CACNA1C: variants seen among roughly 807,000 people sequenced by gnomAD.
CACNA1C encodes the protein calcium voltage-gated channel subunit alpha1 C.
A neutral mutation model predicts 229.0 loss-of-function variants in CACNA1C; 30 were observed. That is an observed-to-expected ratio of 0.13 (90% CI 0.10 to 0.18). The LOEUF (loss-of-function observed/expected upper bound fraction) is 0.18, where lower values mean the gene tolerates loss of function less well. Among genes scored for constraint, CACNA1C ranks in the 10% least tolerant of loss-of-function variants. CACNA1C has a pLI of 1.00. For synonymous variants in CACNA1C, 1,114 were observed against 1,132.5 expected (o/e 0.98, Z 0.33); for missense variants, 1,658 against 2,845.0 (o/e 0.58, Z 9.49).
Position 2,507,905 on chromosome 12 carries a change from C to T in CACNA1C, c.1217+2960C>T, listed in dbSNP as rs1048433222. On this transcript the variant is annotated intron_variant, in intron 8 of 46. Coordinates refer to ENST00000399655, the MANE Select transcript of CACNA1C (RefSeq NM_000719.7). ...TCATCCCATGCTTTTAAATGACAGG[C>T]GAGAAATGGAGAGGGGAAGAGCAGA... Among the ~76,000 whole-genome samples the T allele has an allele frequency of 3.9e-5, 6 of 152,118 alleles. No homozygotes were observed. The East Asian group carries it at 5.8e-4, about 15-fold the overall frequency.
At position 2,691,429 on chromosome 12, in the gene CACNA1C, G is replaced by A. The variant is rs1443363294; in HGVS notation, c.*230G>A. The A allele has an allele frequency of 4.8e-6, 2 of 420,802 alleles. No individual in the cohort carries two copies. Among genetic ancestry groups the A allele is most frequent in the Non-Finnish European group, 8.1e-6 (2 of 247,988 alleles). 26.1% of individuals were successfully genotyped at this position (420,802 alleles called of 1,614,324 possible). ...GGAGGCGGCGAGGGTCCCGGGGCGC[G>A]AGGAAGGCGCCTGCCCTCTCCCAGC... On this transcript the variant is annotated 3_prime_UTR_variant, in exon 47 of 47. Transcript: ENST00000399655.
intron 1 of CACNA1C, among the ~76,000 whole-genome samples, chr12:2,009,705 C>G (rs2044053670): frequency 6.6e-6 from 1 of 152,136 alleles, no homozygotes; most frequent in Non-Finnish European, 1.5e-5. Context: ...ACTCTCTCTC[C>G]CTGTGGAGGA....
chr12:1,996,654 A>C (rs1229393788), intron 1 of CACNA1C, among the ~76,000 whole-genome samples: 7 of 32,556 alleles, frequency 2.2e-4, no homozygotes, highest in African/African-American at 6.6e-4. Flanking sequence ...AAAAAAAAAA[A>C]ACAACAAACT....
intron 18 of CACNA1C, 136 bp downstream of exon 18, chr12:2,586,040 T>G (rs1314736055): frequency 5.6e-6 from 3 of 538,362 alleles, no homozygotes; most frequent in East Asian, 6.1e-5. Flanking sequence ...CTGCTGAGTG[T>G]CTTCTATCTC....
In CACNA1C at chr12:2,493,147, C is replaced by T. The variant is rs773691029; in HGVS notation, c.917-43C>T. 1.3e-6 allele frequency: 2 copies of T among 1,542,436 alleles called. No homozygotes were observed. The highest frequency in any genetic ancestry group is 2.2e-5 in the South Asian group (2 of 89,456). Reference sequence around the variant, plus strand: ...CTTCTTTCTCTGCCCACATCTCTCCCTCCCTGCTGCTCCCGTCTCCTGTCT... The same window carrying T: ...CTTCTTTCTCTGCCCACATCTCTCCTTCCCTGCTGCTCCCGTCTCCTGTCT... On this transcript the variant is annotated intron_variant, in intron 6 of 46. Coordinates refer to ENST00000399655, the MANE Select transcript of CACNA1C (RefSeq NM_000719.7). This position sits in a 1 kb window ranked among gnomAD's most constrained non-coding sequence, Gnocchi z 4.6.
At chr12:2,626,362 C>G (rs1281562415) in intron 29 of CACNA1C, among the ~76,000 whole-genome samples, 1 of 152,178 alleles carries the variant, frequency 6.6e-6, no homozygotes, top group Non-Finnish European at 1.5e-5. Context: ...AAAGCTCTCT[C>G]CATGGCCTTG....
chr12:2,195,709 C>T (rs758195967), intron 3 of CACNA1C, among the ~76,000 whole-genome samples: 2 of 152,104 alleles, frequency 1.3e-5, no homozygotes, highest in South Asian at 2.1e-4. Flanking sequence ...TTCAGGGAGT[C>T]GCAAGATTAT....
intron 1 of CACNA1C, among the ~76,000 whole-genome samples, chr12:2,064,505 T>TCTGCCTTCAGCCTGAAAG (rs1478115296): frequency 1.3e-5 from 2 of 152,232 alleles, no homozygotes; most frequent in Non-Finnish European, 2.9e-5. Context: ...ATAAGGGATC[T>TCTGCCTTCAGCCTGAAAG]CTGCCTTCAG....
At chr12:2,314,382 C>T (rs1016469356) in intron 3 of CACNA1C, among the ~76,000 whole-genome samples, 4 of 152,168 alleles carry the variant, frequency 2.6e-5, no homozygotes, top group African/African-American at 4.8e-5. Context: ...AGCACACAGA[C>T]GGCAAAATGC....
intron 1 of CACNA1C, among the ~76,000 whole-genome samples, chr12:2,066,643 G>A (rs189208488): frequency 7.9e-5 from 12 of 152,208 alleles, no homozygotes; most frequent in African/African-American, 2.9e-4. Context: ...CAAGAATTTT[G>A]GCTGTGAATA....
At chr12:2,063,540 C>T (rs552362053) in intron 1 of CACNA1C, among the ~76,000 whole-genome samples, 144 of 152,292 alleles carry the variant, frequency 9.5e-4, no homozygotes, top group African/African-American at 3.4e-3. Flanking sequence ...TAGGTCATGA[C>T]AATTTACATG....
intron 1 of CACNA1C, among the ~76,000 whole-genome samples, chr12:2,109,906 C>T (rs2080970224): frequency 6.6e-6 from 1 of 152,194 alleles, no homozygotes; most frequent in Admixed American, 6.5e-5. Flanking sequence ...GCTGGACTGA[C>T]TCCAGCAGTG....
intron 3 of CACNA1C, among the ~76,000 whole-genome samples, chr12:2,371,900 C>T (rs772569393): frequency 3.3e-5 from 5 of 151,962 alleles, no homozygotes; most frequent in African/African-American, 9.7e-5. Flanking sequence ...CTAAGGGGAG[C>T]GGATGCTGCA....
chr12:2,421,454 GGAAA>G (rs1023072678), intron 3 of CACNA1C, among the ~76,000 whole-genome samples: 2 of 152,170 alleles, frequency 1.3e-5, no homozygotes, highest in African/African-American at 4.8e-5. Flanking sequence ...ATTCACCATG[GGAAA>G]GAGAGTTATC....
intron 3 of CACNA1C, among the ~76,000 whole-genome samples, chr12:2,188,660 A>G (rs1295563687): frequency 6.6e-6 from 1 of 152,178 alleles, no homozygotes; most frequent in Non-Finnish European, 1.5e-5. Flanking sequence ...TTAGGCCTAT[A>G]TTATACTTGG....
At position 2,504,732 on chromosome 12, in the gene CACNA1C, G is replaced by C. The variant is rs1455120339; in HGVS notation, c.1114-110G>C. On this transcript the variant is annotated intron_variant, in intron 7 of 46. Transcript: ENST00000399655. This position sits in a 1 kb window ranked among gnomAD's most constrained non-coding sequence, Gnocchi z 6.8. ...TTTGGCCTCTGATTTGCACCTAGAG[G>C]GTCCCCGGATCCTGGCGCTGCGTGG... is the stretch of plus-strand genomic sequence containing the variant. 1 of 778,628 alleles carries C rather than the reference G, an allele frequency of 1.3e-6. No individual in the cohort carries two copies. The allele number at this position is 778,628 out of a possible 1,614,324, so 48.2% of individuals were successfully genotyped here. A position where few individuals can be genotyped will look rare whatever the true frequency, so the allele number is the denominator to read the frequency against.
rs532727969 is a variant in CACNA1C, at chr12:2,181,900, G to A, written c.477+61470G>A. ...GCAAGATGTGTGTTAAGGGGGTCCT[G>A]CAGAGTGGGGGTAAACTGATTCTGG... On this transcript the variant is annotated intron_variant, in intron 3 of 46. Transcript: ENST00000399655. The surrounding 1 kb of genome is among the most constrained non-coding windows in gnomAD (Gnocchi z 4.0). Among the ~76,000 whole-genome samples the A allele has an allele frequency of 6.6e-6, 1 of 152,198 alleles. No homozygotes were observed. The highest frequency in any genetic ancestry group is 1.9e-4 in the East Asian group (1 of 5,164).
intron 3 of CACNA1C, among the ~76,000 whole-genome samples, chr12:2,438,646 G>T (rs2099182333): frequency 1.3e-5 from 2 of 152,006 alleles, no homozygotes; most frequent in South Asian, 4.1e-4. Flanking sequence ...AACGGGGAGG[G>T]TCAGACTGTG....
chr12:2,453,103 G>A (rs1263305212), intron 4 of CACNA1C, among the ~76,000 whole-genome samples: 1 of 152,128 alleles, frequency 6.6e-6, no homozygotes, highest in Non-Finnish European at 1.5e-5. Context: ...ACTGTTGAGA[G>A]TCTCGCTCAG....
Sources: gnomAD v4.1 joint callset for allele counts (sites outside exome capture counted in the v4.1 genomes callset) on GRCh38, gnomAD v4.1.1 for gene constraint, Gnocchi (gnomAD v3.1) non-coding constraint, MANE v1.5 for transcripts, NCBI Gene and HGNC (gene_info 2026-07-23, HGNC 2026-07-21) for gene names.